Variants in MAPK6 observed in about 807,000 individuals in gnomAD.
The protein encoded by MAPK6 is ERK-3.
A neutral mutation model predicts 59.3 loss-of-function variants in MAPK6; 19 were observed. The ratio of observed to expected loss-of-function variants is 0.32; its 90% CI spans 0.22 to 0.47. MAPK6 has a LOEUF of 0.47. MAPK6 is among the 20% of genes least tolerant of loss of function. The probability of loss-of-function intolerance (pLI) is 1.00; values close to 1 mark genes in which losing one functional copy is unlikely to be tolerated. For synonymous variants in MAPK6, 316 were observed against 290.3 expected (o/e 1.09, Z -0.90); for missense variants, 724 against 847.9 (o/e 0.85, Z 1.81).
chr15:52,064,963 A>AGAG lies in MAPK6; in HGVS notation c.2129_2130insGAG (p.His710delinsGlnSer). On this transcript the variant is annotated protein_altering_variant, in exon 6 of 6. Transcript: ENST00000261845. ...ATGAAATCTTCCCCTCAAATTCCTCATCAAACATACAGCAGCATTCTGAAA... is the reference window on the plus strand; with the variant it reads ...ATGAAATCTTCCCCTCAAATTCCTCAGAGTCAAACATACAGCAGCATTCTGAAA... 6.2e-7 allele frequency: 1 copy of AGAG among 1,611,490 alleles called. No individual in the cohort carries two copies. The highest frequency in any genetic ancestry group is 2.2e-5 in the East Asian group (1 of 44,874).
chr15:52,012,861 C>T (rs901934818), intron 3 of MAPK6, among the ~76,000 whole-genome samples: 1 of 150,842 alleles, frequency 6.6e-6, no homozygotes, highest in East Asian at 1.9e-4. Context: ...GTGGTGGGTG[C>T]CTGTAGTCCC....
At chr15:52,060,178 A>G (rs778897862) in intron 4 of MAPK6, among the ~76,000 whole-genome samples, 11 of 152,196 alleles carry the variant, frequency 7.2e-5, no homozygotes, top group African/African-American at 2.2e-4. Context: ...GTTCAAGGCT[A>G]CAATGAGCTA....
chr15:52,026,610 C>T (rs954508300), intron 1 of MAPK6, among the ~76,000 whole-genome samples: 1 of 152,024 alleles, frequency 6.6e-6, no homozygotes, highest in African/African-American at 2.4e-5. Context: ...CCACCTTATG[C>T]AGTGGGAAGA....
intron 3 of MAPK6, among the ~76,000 whole-genome samples, chr15:52,005,322 C>G (rs530477152): frequency 6.6e-6 from 1 of 152,106 alleles, no homozygotes; most frequent in African/African-American, 2.4e-5. Flanking sequence ...GTCAGGAGTT[C>G]AAGACTATCC....
At chr15:52,054,863 C>T (rs1399721574) in intron 3 of MAPK6, among the ~76,000 whole-genome samples, 2 of 152,126 alleles carry the variant, frequency 1.3e-5, no homozygotes, top group Non-Finnish European at 2.9e-5. Context: ...TCTTGGCTCA[C>T]TGCAACCTCC....
At chr15:52,028,655 T>C (rs1474106064) in intron 1 of MAPK6, among the ~76,000 whole-genome samples, 1 of 152,230 alleles carries the variant, frequency 6.6e-6, no homozygotes, top group East Asian at 1.9e-4. Context: ...AGTGCAGATA[T>C]AGAACATCCC....
At chr15:52,000,341 C>T (rs760210096) in intron 2 of MAPK6, among the ~76,000 whole-genome samples, 5 of 152,240 alleles carry the variant, frequency 3.3e-5, no homozygotes, top group East Asian at 1.9e-4. Flanking sequence ...CTGTTGGTGT[C>T]GTATCTAAGA....
At chr15:52,025,812 G>A (rs749023006) in intron 1 of MAPK6, among the ~76,000 whole-genome samples, 1 of 152,156 alleles carries the variant, frequency 6.6e-6, no homozygotes, top group Non-Finnish European at 1.5e-5. Flanking sequence ...ATAGTTGGAT[G>A]TAGCTGGTGG....
At chr15:51,976,181 G>T (rs139051274) in intron 1 of MAPK6, among the ~76,000 whole-genome samples, 1 of 149,690 alleles carries the variant, frequency 6.7e-6, no homozygotes, top group African/African-American at 2.4e-5. Flanking sequence ...CAGAAGAATC[G>T]CTTGAACCCG....
intron 2 of MAPK6, among the ~76,000 whole-genome samples, chr15:51,984,447 ATTTTTTTTTTTT>A (rs71130112): frequency 2.3e-4 from 16 of 69,976 alleles, no homozygotes; most frequent in South Asian, 2.2e-3. Context: ...ACGCCGGCTA[ATTTTTTTTTTTT>A]TTTTTTTTTT....
Position 52,058,697 on chromosome 15 carries a change from T to C in MAPK6, c.765T>C (p.Asp255=). ...CTATTCCTGTTGTACATGAGGAAGA[T>C]CGTCAGGAGCTTCTCAGCGTAATTC... The part of the protein sequence containing the change: ...LESIPVVHEE[D]RQELLSVIPV... The change falls in exon 4 of 6, where the codon GAT becomes GAC. Residue 255 remains aspartate, a synonymous_variant. Transcript: ENST00000261845. The C allele has an allele frequency of 6.2e-7, 1 of 1,613,682 alleles. No homozygotes were observed. Among genetic ancestry groups the C allele is most frequent in the Non-Finnish European group, 8.5e-7 (1 of 1,179,760 alleles).
chr15:52,050,211 TA>T, intron 3 of MAPK6, 74 bp downstream of exon 3: 1 of 1,282,442 alleles, frequency 7.8e-7, no homozygotes, highest in Non-Finnish European at 1.1e-6. Flanking sequence ...GCAAGATTCA[TA>T]TAAGATTTAA....
chr15:51,977,359 T>C (rs1339305125), intron 1 of MAPK6, among the ~76,000 whole-genome samples: 3 of 151,678 alleles, frequency 2.0e-5, no homozygotes, highest in Non-Finnish European at 4.4e-5. Context: ...GAAAGAGTAA[T>C]GGTATCCGAA....
At chr15:52,048,874 A>G (rs1171568435) in intron 2 of MAPK6, among the ~76,000 whole-genome samples, 6 of 151,954 alleles carry the variant, frequency 3.9e-5, no homozygotes, top group Admixed American at 3.3e-4. Flanking sequence ...AGAGATGAGT[A>G]TTACACTGAC....
chr15:51,984,264 A>G (rs1271247538), intron 2 of MAPK6, among the ~76,000 whole-genome samples: 1 of 151,962 alleles, frequency 6.6e-6, no homozygotes, highest in Non-Finnish European at 1.5e-5. Flanking sequence ...AGGAAACTGG[A>G]TGTTTTCTAT....
At chr15:52,058,002 A>G (rs1051786300) in intron 3 of MAPK6, among the ~76,000 whole-genome samples, 6 of 152,362 alleles carry the variant, frequency 3.9e-5, no homozygotes, top group South Asian at 4.1e-4. Flanking sequence ...TGAATGTTCA[A>G]TGAATTTATA....
At chr15:52,025,744 C>T (rs919279829) in intron 1 of MAPK6, among the ~76,000 whole-genome samples, 2 of 151,916 alleles carry the variant, frequency 1.3e-5, no homozygotes, top group Non-Finnish European at 2.9e-5. Flanking sequence ...TTGCAGTGAG[C>T]GCCACTGCAC....
intron 1 of MAPK6, among the ~76,000 whole-genome samples, chr15:52,041,958 C>A (rs1015598536): frequency 2.6e-5 from 4 of 152,200 alleles, no homozygotes; most frequent in Non-Finnish European, 5.9e-5. Context: ...GAGGGCAGAG[C>A]CCAAGTCTCT....
At chr15:52,056,922 T>G (rs2141114484) in intron 3 of MAPK6, 1 of 152,346 alleles carries the variant, frequency 6.6e-6, no homozygotes. Context: ...ACTCAATATC[T>G]CCACTCAGAT....
Sources: gnomAD v4.1 joint callset for allele counts (sites outside exome capture counted in the v4.1 genomes callset) on GRCh38, gnomAD v4.1.1 for gene constraint, MANE v1.5 for transcripts, NCBI Gene and HGNC (gene_info 2026-07-23, HGNC 2026-07-21) for gene names.